HIVEP3: variants seen among roughly 807,000 people sequenced by gnomAD.
HIVEP3 encodes the protein transcription factor HIVEP3.
HIVEP3 carries 49 observed loss-of-function variants against 152.8 expected under a neutral mutation model. That is an observed-to-expected ratio of 0.32 (90% CI 0.26 to 0.41). The LOEUF (loss-of-function observed/expected upper bound fraction) is 0.41, where lower values mean the gene tolerates loss of function less well. Ranked by LOEUF, HIVEP3 falls within the 10% of genes least tolerant of loss-of-function variation. The probability of loss-of-function intolerance (pLI) is 1.00; values close to 1 mark genes in which losing one functional copy is unlikely to be tolerated. For synonymous variants in HIVEP3, 1,269 were observed against 1,289.0 expected, an observed-to-expected ratio of 0.98 and a Z score of 0.33; for missense variants, 2,790 against 3,103.3, an observed-to-expected ratio of 0.90 and a Z score of 2.40.
chr1:41,530,683 C>A (rs562332527), intron 5 of HIVEP3, among the ~76,000 whole-genome samples: 1 of 152,336 alleles, frequency 6.6e-6, no homozygotes, highest in African/African-American at 2.4e-5. Context: ...CTTCACCCTG[C>A]TGATCCCCAC....
intron 1 of HIVEP3, among the ~76,000 whole-genome samples, chr1:41,743,181 C>G (rs75679261): frequency 0.072 from 10,894 of 152,100 alleles, 540 homozygotes; most frequent in South Asian, 0.17. Flanking sequence ...ACCAGAGGTG[C>G]TAAATCTTGC....
At chr1:41,627,880 A>ATCCC (rs765316471) in intron 3 of HIVEP3, among the ~76,000 whole-genome samples, 3 of 150,460 alleles carry the variant, frequency 2.0e-5, no homozygotes, top group Non-Finnish European at 3.0e-5. Flanking sequence ...CCCTCCGTCC[A>ATCCC]TCCCTCCCTC....
chr1:41,849,882 G>A (rs1222669436), intron 1 of HIVEP3, among the ~76,000 whole-genome samples: 1 of 151,906 alleles, frequency 6.6e-6, no homozygotes, highest in African/African-American at 2.4e-5. Context: ...GTAGACATGG[G>A]GTTTCACCAT....
At chr1:41,555,677 A>T (rs1643955441) in intron 5 of HIVEP3, among the ~76,000 whole-genome samples, 1 of 152,234 alleles carries the variant, frequency 6.6e-6, no homozygotes, top group African/African-American at 2.4e-5. Flanking sequence ...TATTAAGTAC[A>T]TTCACATTGT....
At chr1:41,663,358 G>A (rs1455354606) in intron 2 of HIVEP3, among the ~76,000 whole-genome samples, 2 of 152,246 alleles carry the variant, frequency 1.3e-5, no homozygotes, top group Non-Finnish European at 2.9e-5. Context: ...AGTGAGGTAA[G>A]TTAAGTGCCT....
In HIVEP3 at chr1:41,575,629, C is replaced by T. The variant is rs1233565341; in HGVS notation, c.5122G>A (p.Glu1708Lys). Reference sequence around the variant, plus strand: ...TCCGGCTCCCCTCTCCTCTCTTCTTCCTTCTCCACTCTAGCTAGATCTTTC... The same window carrying T: ...TCCGGCTCCCCTCTCCTCTCTTCTTTCTTCTCCACTCTAGCTAGATCTTTC... Reference protein sequence around the residue: ...GQKDLARVEKEEERRGEPEED... With the variant: ...GQKDLARVEKKEERRGEPEED... The change falls in exon 5 of 9, where the codon GAA becomes AAA. Residue 1708 changes from glutamate to lysine, a missense_variant. Glu to Lys is a moderately conservative substitution (Grantham distance 56, BLOSUM62 1). Coordinates refer to ENST00000372583, the MANE Select transcript of HIVEP3 (RefSeq NM_024503.5). 3.7e-6 allele frequency: 6 copies of T among 1,614,088 alleles called. No homozygotes were observed. The highest frequency in any genetic ancestry group is 5.1e-6 in the Non-Finnish European group (6 of 1,180,032).
chr1:41,580,757 T>G lies in HIVEP3; in HGVS notation c.4041A>C (p.Gln1347His). 1.9e-6 allele frequency: 3 copies of G among 1,585,510 alleles called. No homozygotes were observed. The highest frequency in any genetic ancestry group is 2.6e-6 in the Non-Finnish European group (3 of 1,166,334). ...TLSQILVTQS[Q>H]GSSATVALPK... is the part of the protein sequence containing the mutation. Reference sequence around the variant, plus strand: ...GAAGTGCCACAGTTGCTGAGCTGCCTTGGGACTGGGTGACCAAGATCTGGG... The same window carrying G: ...GAAGTGCCACAGTTGCTGAGCTGCCGTGGGACTGGGTGACCAAGATCTGGG... The change falls in exon 4 of 9, where the codon CAA (glutamine) becomes CAC (histidine). Residue 1347 changes from glutamine (Q) to histidine (H), a missense_variant. Transcript: ENST00000372583.
intron 1 of HIVEP3, among the ~76,000 whole-genome samples, chr1:41,764,341 A>G (rs189239044): frequency 5.4e-4 from 83 of 152,342 alleles, no homozygotes; most frequent in African/African-American, 1.9e-3. Flanking sequence ...CAGAAAAGAA[A>G]GGGAAAGAAG....
chr1:41,585,311 CTCT>C lies in HIVEP3; in HGVS notation c.-517_-515del, dbSNP rs1644487720. 7.5e-6 allele frequency: 3 copies of C among 399,066 alleles called. No homozygotes were observed. The highest frequency in any genetic ancestry group is 1.3e-5 in the Non-Finnish European group (3 of 226,146). The allele number at this position is 399,066 out of a possible 1,614,324, so 24.7% of individuals were successfully genotyped here. ...CAACGGCCTTGGAGGAGAAATCACG[CTCT>C]TCTTCTGTGTGATAGATGTACACAC... On this transcript the variant is annotated 5_prime_UTR_variant, in exon 4 of 9. Transcript: ENST00000372583.
chr1:41,953,512 A>G (rs1046406006), intron 1 of HIVEP3, among the ~76,000 whole-genome samples: 8 of 152,240 alleles, frequency 5.3e-5, no homozygotes, highest in African/African-American at 1.9e-4. Flanking sequence ...TACTTCTTGT[A>G]ATTGTCAGAT....
intron 1 of HIVEP3, among the ~76,000 whole-genome samples, chr1:41,932,091 C>T (rs1451269286): frequency 6.6e-6 from 1 of 151,674 alleles, no homozygotes; most frequent in Admixed American, 6.6e-5. Context: ...TTTGTAGATG[C>T]CCTTTTTGAG....
chr1:41,649,518 T>C (rs796446775), intron 2 of HIVEP3, among the ~76,000 whole-genome samples: 14 of 152,384 alleles, frequency 9.2e-5, no homozygotes, highest in African/African-American at 3.1e-4. Context: ...ATATGGCTGC[T>C]AGGAGACATG....
At chr1:41,771,321 T>A (rs951500460) in intron 1 of HIVEP3, among the ~76,000 whole-genome samples, 2 of 150,456 alleles carry the variant, frequency 1.3e-5, no homozygotes, top group Admixed American at 6.6e-5. Flanking sequence ...TAAAAAATAA[T>A]CCTCTGGTCA....
chr1:41,568,617 A>G (rs1644205573), intron 5 of HIVEP3, among the ~76,000 whole-genome samples: 1 of 152,236 alleles, frequency 6.6e-6, no homozygotes, highest in South Asian at 2.1e-4. Flanking sequence ...GTGAGCTACC[A>G]GTGGCCTGAC....
At chr1:41,929,726 T>TTATATA (rs55663663) in intron 1 of HIVEP3, among the ~76,000 whole-genome samples, 53 of 112,818 alleles carry the variant, frequency 4.7e-4, no homozygotes, top group South Asian at 6.0e-4. Flanking sequence ...ATATGTGTTT[T>TTATATA]TATATATATA....
chr1:41,625,233 A>G (rs915187122), intron 3 of HIVEP3, among the ~76,000 whole-genome samples: 2 of 101,382 alleles, frequency 2.0e-5, no homozygotes, highest in Non-Finnish European at 4.0e-5. Flanking sequence ...ACGAAACAAG[A>G]AAGAAAAAGG....
intron 5 of HIVEP3, among the ~76,000 whole-genome samples, chr1:41,561,947 G>A (rs1234389814): frequency 6.6e-6 from 1 of 152,182 alleles, no homozygotes; most frequent in African/African-American, 2.4e-5. Flanking sequence ...TCCTTGGGCA[G>A]AAAGACCACC....
At chr1:41,601,294 A>G (rs1644745300) in intron 3 of HIVEP3, among the ~76,000 whole-genome samples, 1 of 152,092 alleles carries the variant, frequency 6.6e-6, no homozygotes, top group African/African-American at 2.4e-5. Flanking sequence ...AAGTAATGTA[A>G]TTGAGATTTT....
intron 1 of HIVEP3, among the ~76,000 whole-genome samples, chr1:41,796,619 G>A (rs888105484): frequency 9.2e-5 from 14 of 152,294 alleles, no homozygotes; most frequent in African/African-American, 2.6e-4. Flanking sequence ...TCAAATCCAC[G>A]GTCCATCATT....
Sources: allele counts gnomAD v4.1 joint callset (sites outside exome capture counted in the v4.1 genomes callset), GRCh38; gene constraint gnomAD v4.1.1; transcripts MANE v1.5; gene names NCBI Gene and HGNC (gene_info 2026-07-23, HGNC 2026-07-21).